Variants in NLRP5 observed in about 807,000 individuals in gnomAD.
NLRP5 encodes the protein NLR family pyrin domain containing 5, also known as NACHT, LRR and PYD domains-containing protein 5.
NLRP5 carries 93 observed loss-of-function variants against 113.1 expected under a neutral mutation model. The observed-to-expected ratio is 0.82, with a 90% CI of 0.70 to 0.98. NLRP5 has a LOEUF of 0.98. Ranked by LOEUF, NLRP5 falls within the 50% of genes least tolerant of loss-of-function variation. The pLI is 0.00. For missense variants in NLRP5, 1,808 were observed against 1,514.3 expected (o/e 1.19, Z -3.22); for synonymous variants, 751 against 600.7 (o/e 1.25, Z -3.66).
At chr19:55,993,803 T>A in the NLRP5 span, among the ~76,000 whole-genome samples, 1 of 151,098 alleles carries the variant, frequency 6.6e-6, no homozygotes, top group African/African-American at 2.4e-5. Context: ...TACAGGCTCA[T>A]CTGTGTTGTC....
At chr19:55,998,708 G>GTGTGTGTGTATATATATATATA (rs1981456474), upstream of NLRP5, among the ~76,000 whole-genome samples, 2 of 59,354 alleles carry the variant, frequency 3.4e-5, no homozygotes, top group Non-Finnish European at 6.0e-5. Flanking sequence ...ATATATGTGT[G>GTGTGTGTGTATATATATATATA]TGTGTGTATA....
chr19:56,001,425 A>T (rs573031519), intron 1 of NLRP5, among the ~76,000 whole-genome samples: 1 of 107,428 alleles, frequency 9.3e-6, no homozygotes, highest in Non-Finnish European at 2.0e-5. Flanking sequence ...TCCTTTAAAT[A>T]TTTTCTTCTG....
chr19:55,998,732 G>GTATATATATATATATATGTGTA (rs1196005656), upstream of NLRP5, among the ~76,000 whole-genome samples: 121 of 135,026 alleles, frequency 9.0e-4, 5 homozygotes, highest in African/African-American at 3.3e-3. Flanking sequence ...ATATATATGT[G>GTATATATATATATATATGTGTA]TATATATATA....
intron 4 of NLRP5, among the ~76,000 whole-genome samples, chr19:56,017,726 T>C (rs950614661): frequency 1.3e-5 from 2 of 152,214 alleles, no homozygotes; most frequent in African/African-American, 4.8e-5. Context: ...TTTCTGCTGT[T>C]GGGTGGAGCG....
At chr19:56,007,625 T>C (rs1172766108) in intron 2 of NLRP5, among the ~76,000 whole-genome samples, 2 of 150,984 alleles carry the variant, frequency 1.3e-5, no homozygotes, top group Non-Finnish European at 2.9e-5. Flanking sequence ...ATCTTGAAAA[T>C]ACTTGTAATA....
At chr19:56,048,984 T>TTTTTTTTTTA (rs1983829153) in intron 11 of NLRP5, among the ~76,000 whole-genome samples, 1 of 132,272 alleles carries the variant, frequency 7.6e-6, no homozygotes, top group African/African-American at 2.9e-5. Flanking sequence ...TTTTAATTTT[T>TTTTTTTTTTA]TTTTTTTTTT....
chr19:56,008,046 A>G, intron 2 of NLRP5, among the ~76,000 whole-genome samples: 1 of 135,666 alleles, frequency 7.4e-6, no homozygotes, highest in African/African-American at 2.7e-5. Flanking sequence ...CTCCTGCCTC[A>G]GCCTCCCGAG....
At chr19:56,000,235 A>G (rs1442589931) in intron 1 of NLRP5, among the ~76,000 whole-genome samples, 4 of 152,168 alleles carry the variant, frequency 2.6e-5, no homozygotes, top group Admixed American at 6.5e-5. Flanking sequence ...ACTCTTTTCA[A>G]TGACAATTGT....
chr19:55,996,424 C>T (rs1004178810), upstream of NLRP5, among the ~76,000 whole-genome samples: 1 of 152,072 alleles, frequency 6.6e-6, no homozygotes, highest in Non-Finnish European at 1.5e-5. Flanking sequence ...CATATGTATA[C>T]ATGTGCCCTG....
chr19:56,028,542 T>C (rs1568492074), intron 7 of NLRP5, 33 bp downstream of exon 7: 2 of 1,582,120 alleles, frequency 1.3e-6, no homozygotes, highest in Non-Finnish European at 8.6e-7. Context: ...TCCTATGCCG[T>C]GTGCTGAGCT....
chr19:56,019,938 G>C (rs1313478909), intron 5 of NLRP5, among the ~76,000 whole-genome samples: 1 of 151,420 alleles, frequency 6.6e-6, no homozygotes, highest in Non-Finnish European at 1.5e-5. Context: ...CCAGGTTCAA[G>C]CGATTCTTCT....
the NLRP5 span, among the ~76,000 whole-genome samples, chr19:55,986,980 A>G: frequency 2.0e-5 from 3 of 152,136 alleles, no homozygotes; most frequent in Middle Eastern, 6.8e-3. Context: ...AAGTCCAGTT[A>G]CCCCATTTTG....
chr19:55,998,702 ATG>A (rs144186734), upstream of NLRP5, among the ~76,000 whole-genome samples: 3,406 of 73,634 alleles, frequency 0.046, 237 homozygotes, highest in African/African-American at 0.12. Flanking sequence ...ATATATATAT[ATG>A]TGTGTGTGTG....
intron 7 of NLRP5, among the ~76,000 whole-genome samples, chr19:56,031,493 T>C (rs1983111693): frequency 6.6e-6 from 1 of 151,936 alleles, no homozygotes; most frequent in Admixed American, 6.6e-5. Context: ...TAGCCAGGCA[T>C]GGTGGTGGGC....
the NLRP5 span, chr19:55,987,767 C>T: frequency 1.0e-5 from 14 of 1,401,244 alleles, no homozygotes; most frequent in Admixed American, 1.7e-5. Flanking sequence ...AGTCACTCAT[C>T]CTCAGAAAAT....
At chr19:56,031,743 C>T (rs902245287) in intron 7 of NLRP5, among the ~76,000 whole-genome samples, 30 of 151,926 alleles carry the variant, frequency 2.0e-4, no homozygotes, top group Admixed American at 2.0e-3. Flanking sequence ...CTGTCAAAAA[C>T]GGTAGAATGT....
chr19:56,000,228 CTT>C (rs765594164), intron 1 of NLRP5, among the ~76,000 whole-genome samples: 223 of 152,190 alleles, frequency 1.5e-3, no homozygotes, highest in Non-Finnish European at 2.4e-3. Context: ...CCTCTCCACT[CTT>C]TTCAATGACA....
chr19:56,009,401 C>G (rs114368513), intron 3 of NLRP5, among the ~76,000 whole-genome samples: 1 of 148,450 alleles, frequency 6.7e-6, no homozygotes, highest in Non-Finnish European at 1.5e-5. Flanking sequence ...TTGAGGACTT[C>G]CCATCGTCTT....
At chr19:56,013,333 C>T (rs576759702) in intron 3 of NLRP5, among the ~76,000 whole-genome samples, 1 of 152,180 alleles carries the variant, frequency 6.6e-6, no homozygotes, top group East Asian at 1.9e-4. Flanking sequence ...GCTGGGACTA[C>T]AGGTGCCTAC....
Sources: allele counts gnomAD v4.1 joint callset (sites outside exome capture counted in the v4.1 genomes callset), GRCh38; gene constraint gnomAD v4.1.1; transcripts MANE v1.5; gene names NCBI Gene and HGNC (gene_info 2026-07-23, HGNC 2026-07-21).